The following DPY19L3 variants were observed in gnomAD, a reference collection of about 807,000 sequenced individuals.
DPY19L3 encodes the protein dpy-19 like C-mannosyltransferase 3.
A neutral mutation model predicts 92.3 loss-of-function variants in DPY19L3; 51 were observed. That is an observed-to-expected ratio of 0.55 (90% CI 0.44 to 0.70). DPY19L3 has a LOEUF of 0.70. DPY19L3 is among the 30% of genes least tolerant of loss of function. DPY19L3 has a pLI of 0.00. For synonymous variants in DPY19L3, 309 were observed against 315.2 expected (o/e 0.98, Z 0.21); for missense variants, 706 against 855.9 (o/e 0.82, Z 2.18).
Position 32,482,482 on chromosome 19 carries a change from T to G in DPY19L3, c.*242T>G, listed in dbSNP as rs1360419343. The G allele has an allele frequency of 2.3e-6, 1 of 428,314 alleles. No individual in the cohort carries two copies. Among genetic ancestry groups the G allele is most frequent in the Non-Finnish European group, 4.1e-6 (1 of 241,138 alleles). The allele number at this position is 428,314 out of a possible 1,614,324, so 26.5% of individuals were successfully genotyped here. A position where few individuals can be genotyped will look rare whatever the true frequency, so the allele number is the denominator to read the frequency against. On this transcript the variant is annotated 3_prime_UTR_variant, in exon 19 of 19. Transcript: ENST00000392250. The stretch of plus-strand genomic sequence containing the variant: ...TTTAGCCTAAATGTTAACAACTTTC[T>G]AAGAGTGACCTAGAATTATGTTGTT...
chr19:32,484,487 C>CA lies in DPY19L3; in HGVS notation c.*2250dup, dbSNP rs1321719079. Reference sequence around the variant, plus strand: ...ACTCAGACCTGGGTGGTGATAACCTCAAAGAATGGCTCTGTTTTCTATTGA... The same window carrying CA: ...ACTCAGACCTGGGTGGTGATAACCTCAAAAGAATGGCTCTGTTTTCTATTGA... On this transcript the variant is annotated 3_prime_UTR_variant, in exon 19 of 19. Transcript: ENST00000392250. 3.3e-5 allele frequency: 5 copies of CA among 152,194 alleles called. No homozygotes were observed. 9.4% of individuals were successfully genotyped at this position (152,194 alleles called of 1,614,324 possible).
intron 16 of DPY19L3, among the ~76,000 whole-genome samples, chr19:32,476,293 C>G (rs1970506326): frequency 6.6e-6 from 1 of 152,128 alleles, no homozygotes; most frequent in Non-Finnish European, 1.5e-5. Context: ...GCTTTTTCTG[C>G]AGAGGATGTT....
chr19:32,425,128 A>G (rs1264571759), intron 3 of DPY19L3, among the ~76,000 whole-genome samples: 1 of 152,258 alleles, frequency 6.6e-6, no homozygotes, highest in Non-Finnish European at 1.5e-5. Context: ...CATTTAGAAG[A>G]AAATATGCAA....
At chr19:32,406,872 G>A (rs1349265516) in intron 1 of DPY19L3, among the ~76,000 whole-genome samples, 2 of 152,144 alleles carry the variant, frequency 1.3e-5, no homozygotes, top group Non-Finnish European at 2.9e-5. Flanking sequence ...GAGGACTCTA[G>A]GATGAGGTCA....
chr19:32,468,426 G>T, intron 15 of DPY19L3: 1 of 1,041,484 alleles, frequency 9.6e-7, no homozygotes, highest in Non-Finnish European at 1.2e-6. Flanking sequence ...ATAATGTTTT[G>T]CCAGGTATTA....
Position 32,477,672 on chromosome 19 carries a change from C to T in DPY19L3, c.1830+18C>T. On this transcript the variant is annotated intron_variant, in intron 17 of 18. Coordinates refer to ENST00000392250, the MANE Select transcript of DPY19L3 (RefSeq NM_001172774.2). The stretch of plus-strand genomic sequence containing the variant: ...CCAGAGCGGTGAGGCTCCCCAGTGC[C>T]TCCCCTCGCTTCTTGTGGGCCAGCT... 1.9e-6 allele frequency: 3 copies of T among 1,613,506 alleles called. No individual in the cohort carries two copies. Among genetic ancestry groups the T allele is most frequent in the Non-Finnish European group, 1.7e-6 (2 of 1,179,968 alleles).
chr19:32,411,188 T>A (rs766385443), intron 2 of DPY19L3, 51 bp from the exon 3 acceptor site: 3 of 1,557,876 alleles, frequency 1.9e-6, no homozygotes, highest in Non-Finnish European at 2.6e-6. Context: ...AACTATTACA[T>A]TCTGATTTTT....
chr19:32,414,797 T>C (rs1968323779), intron 3 of DPY19L3, among the ~76,000 whole-genome samples: 1 of 152,230 alleles, frequency 6.6e-6, no homozygotes, highest in African/African-American at 2.4e-5. Context: ...TGTAGCTCTT[T>C]AATTTAAAAC....
chr19:32,423,730 G>A (rs1048813878), intron 3 of DPY19L3, among the ~76,000 whole-genome samples: 6 of 152,224 alleles, frequency 3.9e-5, no homozygotes, highest in Admixed American at 3.9e-4. Flanking sequence ...GATGGTGGAG[G>A]CTGACTGGGC....
chr19:32,446,996 A>G (rs1315451302), intron 8 of DPY19L3, among the ~76,000 whole-genome samples: 1 of 152,260 alleles, frequency 6.6e-6, no homozygotes, highest in East Asian at 1.9e-4. Context: ...AATTAGGATT[A>G]TAGAGAATAT....
chr19:32,448,337 G>A lies in DPY19L3; in HGVS notation c.856-4808G>A, dbSNP rs557784475. Among the ~76,000 whole-genome samples the A allele has an allele frequency of 6.6e-5, 10 of 152,282 alleles. No individual in the cohort carries two copies. The South Asian group carries it at 1.9e-3, about 28-fold the overall frequency. ...TGGACACGATCCATTGAAGACAGCT[G>A]TAGTTATTCTACACAGAAAGGATAT... On this transcript the variant is annotated intron_variant, in intron 8 of 18. Transcript: ENST00000392250.
intron 4 of DPY19L3, among the ~76,000 whole-genome samples, chr19:32,435,816 G>A (rs1026170850): frequency 1.3e-5 from 2 of 152,224 alleles, no homozygotes; most frequent in African/African-American, 4.8e-5. Flanking sequence ...GAGGACCTCT[G>A]TGGCTGTGGA....
intron 10 of DPY19L3, among the ~76,000 whole-genome samples, chr19:32,455,290 T>G (rs1969832013): frequency 6.6e-6 from 1 of 152,196 alleles, no homozygotes. Context: ...AAATAAATTC[T>G]TGCTTTATAA....
chr19:32,458,261 A>G (rs1969929296), intron 11 of DPY19L3, 88 bp downstream of exon 11: 1 of 1,578,696 alleles, frequency 6.3e-7, no homozygotes, highest in African/African-American at 1.4e-5. Context: ...GCCTTCAACT[A>G]TTAATTGCAG....
chr19:32,451,040 A>C (rs537979416), intron 8 of DPY19L3, among the ~76,000 whole-genome samples: 2 of 152,322 alleles, frequency 1.3e-5, no homozygotes, highest in South Asian at 4.1e-4. Context: ...CAGTGAACAA[A>C]ATATGTAACT....
At position 32,408,311 on chromosome 19, in the gene DPY19L3, C is replaced by A. The variant is rs751244051; in HGVS notation, c.58C>A (p.Pro20Thr). 2 of 1,613,862 alleles carry A rather than the reference C, an allele frequency of 1.2e-6. No individual in the cohort carries two copies. Among genetic ancestry groups the A allele is most frequent in the South Asian group, 1.1e-5 (1 of 91,002 alleles). ...AGCCACAGAAGTTTCTGAAGACTTT[C>A]CAGCCCAAGAAGAAAATGTGAAGTT... ...IRATEVSEDF[P>T]AQEENVKLEN... is the part of the protein sequence containing the mutation. Residue 20 changes from proline to threonine, a missense_variant, in exon 2 of 19, where the codon CCA becomes ACA. Pro to Thr is a conservative substitution (Grantham distance 38, BLOSUM62 -1). Transcript: ENST00000392250.
chr19:32,463,355 GT>G lies in DPY19L3; in HGVS notation c.1323-7del. On this transcript the variant is annotated splice_polypyrimidine_tract_variant and intron_variant, in intron 12 of 18. Coordinates refer to ENST00000392250, the MANE Select transcript of DPY19L3 (RefSeq NM_001172774.2). ...TCCAGCTTAAATTTTGTATGTTGCT[GT>G]TTTACTCAGTGATTCTACAAATCAA... The G allele has an allele frequency of 6.2e-7, 1 of 1,612,866 alleles. No individual in the cohort carries two copies. The highest frequency in any genetic ancestry group is 8.5e-7 in the Non-Finnish European group (1 of 1,179,430).
At chr19:32,426,399 CT>C (rs1905916639) in intron 3 of DPY19L3, among the ~76,000 whole-genome samples, 1 of 152,190 alleles carries the variant, frequency 6.6e-6, no homozygotes, top group African/African-American at 2.4e-5. Flanking sequence ...GTAACTTTTC[CT>C]TTGTGTTAAC....
At chr19:32,444,028 C>G (rs1969406347) in intron 8 of DPY19L3, among the ~76,000 whole-genome samples, 1 of 121,656 alleles carries the variant, frequency 8.2e-6, no homozygotes, top group African/African-American at 3.4e-5. Context: ...GAGCAAGACT[C>G]TGTCTCAAAA....
Sources: allele counts gnomAD v4.1 joint callset (sites outside exome capture counted in the v4.1 genomes callset), GRCh38; gene constraint gnomAD v4.1.1; transcripts MANE v1.5; gene names NCBI Gene and HGNC (gene_info 2026-07-23, HGNC 2026-07-21).